Variants in RNF121 observed in about 807,000 individuals in gnomAD.
RNF121 encodes E3 ubiquitin ligase RNF121.
RNF121 carries 21 observed loss-of-function variants against 46.5 expected under a neutral mutation model. The observed-to-expected ratio is 0.45, with a 90% CI of 0.32 to 0.65. The LOEUF (loss-of-function observed/expected upper bound fraction) is 0.65, where lower values mean the gene tolerates loss of function less well. Among genes scored for constraint, RNF121 ranks in the 30% least tolerant of loss-of-function variants. The probability of loss-of-function intolerance (pLI) is 0.04; values close to 1 mark genes in which losing one functional copy is unlikely to be tolerated. For missense variants in RNF121, 346 were observed against 416.0 expected (o/e 0.83, Z 1.46); for synonymous variants, 139 against 144.7 (o/e 0.96, Z 0.28).
intron 1 of RNF121, among the ~76,000 whole-genome samples, chr11:71,932,495 T>G (rs1392466036): frequency 1.3e-5 from 2 of 152,274 alleles, no homozygotes; most frequent in Non-Finnish European, 1.5e-5. Flanking sequence ...ACTTTAAAAT[T>G]GTATCGTCTT....
chr11:71,986,769 CAAAAAAAAAAA>C (rs11315989), intron 4 of RNF121, among the ~76,000 whole-genome samples: 1 of 71,968 alleles, frequency 1.4e-5, no homozygotes, highest in African/African-American at 5.2e-5. Context: ...ACTCTCATCT[CAAAAAAAAAAA>C]AAAAAAAAAG....
At chr11:71,969,185 C>A (rs367725611) in intron 3 of RNF121, among the ~76,000 whole-genome samples, 1 of 152,174 alleles carries the variant, frequency 6.6e-6, no homozygotes, top group East Asian at 1.9e-4. Context: ...CCGTGCCTGG[C>A]CCCTCTTAGG....
chr11:71,936,640 C>G (rs1436565934), intron 1 of RNF121, among the ~76,000 whole-genome samples: 1 of 152,100 alleles, frequency 6.6e-6, no homozygotes, highest in Non-Finnish European at 1.5e-5. Context: ...GTGATCCACC[C>G]GCCTCGGCCT....
intron 5 of RNF121, among the ~76,000 whole-genome samples, chr11:71,989,773 A>G (rs1320820026): frequency 6.6e-6 from 1 of 152,198 alleles, no homozygotes; most frequent in African/African-American, 2.4e-5. Context: ...AACTTTGATG[A>G]TATGATACAG....
chr11:71,946,180 A>G (rs1301910184), intron 1 of RNF121, among the ~76,000 whole-genome samples: 3 of 152,328 alleles, frequency 2.0e-5, no homozygotes, highest in East Asian at 3.9e-4. Flanking sequence ...TGATAGGAAC[A>G]TTACTCATAA....
intron 6 of RNF121, among the ~76,000 whole-genome samples, chr11:71,993,754 T>G (rs1954912820): frequency 6.6e-6 from 1 of 152,188 alleles, no homozygotes; most frequent in Admixed American, 6.5e-5. Flanking sequence ...GTTTAACTTT[T>G]TGAGGACATG....
chr11:71,935,016 A>G lies in RNF121; in HGVS notation c.63+5892A>G, dbSNP rs1020162750. Among the ~76,000 whole-genome samples the G allele has an allele frequency of 7.7e-5, 11 of 142,314 alleles. No individual in the cohort carries two copies. The Admixed American group carries it at 8.3e-4, about 11-fold the overall frequency. The allele number at this position is 142,314 out of a possible 152,430, so 93.4% of individuals were successfully genotyped here. A position where few individuals can be genotyped will look rare whatever the true frequency, so the allele number is the denominator to read the frequency against. ...GAGTACAGTAGAGTGATCTTTGCTC[A>G]CTGCAACCTCAGCCTCCCAGGCTCA... is the stretch of plus-strand genomic sequence containing the variant. On this transcript the variant is annotated intron_variant, in intron 1 of 8. Transcript: ENST00000361756.
At chr11:71,949,846 C>T (rs903749777) in intron 1 of RNF121, among the ~76,000 whole-genome samples, 1 of 150,888 alleles carries the variant, frequency 6.6e-6, no homozygotes, top group African/African-American at 2.4e-5. Flanking sequence ...AAAAAAAATA[C>T]AAAACATTAG....
chr11:71,958,922 T>G (rs1470460996), intron 2 of RNF121, among the ~76,000 whole-genome samples: 1 of 152,232 alleles, frequency 6.6e-6, no homozygotes, highest in South Asian at 2.1e-4. Flanking sequence ...TTCACTGATA[T>G]GTTGTCTGAG....
chr11:71,930,677 C>G (rs555921626), intron 1 of RNF121, among the ~76,000 whole-genome samples: 67 of 152,208 alleles, frequency 4.4e-4, no homozygotes, highest in Non-Finnish European at 8.7e-4. Flanking sequence ...TTTGAAGACA[C>G]TTTGGAAAGG....
chr11:71,960,937 G>A, intron 3 of RNF121, 46 bp downstream of exon 3: 1 of 1,599,634 alleles, frequency 6.3e-7, no homozygotes, highest in Non-Finnish European at 8.5e-7. Flanking sequence ...GTCATCAAGA[G>A]ACCCTTCCTA....
intron 3 of RNF121, 28 bp from the exon 4 acceptor site, chr11:71,982,733 A>T (rs1954690005): frequency 3.8e-6 from 6 of 1,593,026 alleles, no homozygotes; most frequent in Non-Finnish European, 4.3e-6. Flanking sequence ...AGCTGGCCAG[A>T]GCTGAAGTGC....
At chr11:71,960,719 A>G in intron 2 of RNF121, 31 bp from the exon 3 acceptor site, 1 of 1,603,506 alleles carries the variant, frequency 6.2e-7, no homozygotes, top group Non-Finnish European at 8.5e-7. Flanking sequence ...AGCATCCCTG[A>G]CTTGATTCAC....
intron 1 of RNF121, among the ~76,000 whole-genome samples, chr11:71,935,700 C>G (rs904775590): frequency 2.0e-4 from 30 of 152,166 alleles, no homozygotes; most frequent in African/African-American, 7.0e-4. Flanking sequence ...TAGGTTTGGA[C>G]TAGGTGACCT....
intron 3 of RNF121, among the ~76,000 whole-genome samples, chr11:71,969,507 A>G (rs757993567): frequency 3.9e-5 from 6 of 152,158 alleles, no homozygotes; most frequent in Non-Finnish European, 8.8e-5. Flanking sequence ...TTTTTGGCTA[A>G]GTTTGTGTTA....
In RNF121 at chr11:71,929,085, G is replaced by A; in HGVS notation, c.24G>A (p.Glu8=). Residue 8 remains glutamate, a synonymous_variant, in exon 1 of 9, where the codon GAG becomes GAA. Transcript: ENST00000361756. MAAVVEV[E]VGGGAAGERE... ...AGATGGCGGCAGTGGTGGAGGTGGA[G>A]GTTGGAGGTGGTGCTGCTGGGGAAC... 1 of 1,551,672 alleles carries A rather than the reference G, an allele frequency of 6.4e-7. No homozygotes were observed. Among genetic ancestry groups the A allele is most frequent in the Non-Finnish European group, 8.7e-7 (1 of 1,147,060 alleles).
At chr11:71,934,841 G>A (rs1426085289) in intron 1 of RNF121, among the ~76,000 whole-genome samples, 1 of 152,006 alleles carries the variant, frequency 6.6e-6, no homozygotes, top group Non-Finnish European at 1.5e-5. Flanking sequence ...TGTCGAGAAG[G>A]ATTCTGAGGC....
At chr11:71,954,604 T>C (rs1165853352) in intron 1 of RNF121, among the ~76,000 whole-genome samples, 1 of 152,200 alleles carries the variant, frequency 6.6e-6, no homozygotes, top group Non-Finnish European at 1.5e-5. Flanking sequence ...TCAGAAGTCT[T>C]ATTTCTCTAT....
At chr11:71,932,686 A>C (rs189683306) in intron 1 of RNF121, among the ~76,000 whole-genome samples, 1 of 152,334 alleles carries the variant, frequency 6.6e-6, no homozygotes, top group Admixed American at 6.5e-5. Flanking sequence ...GTGGTGTCAC[A>C]AAGATTTAAA....
Sources: allele counts gnomAD v4.1 joint callset (sites outside exome capture counted in the v4.1 genomes callset), GRCh38; gene constraint gnomAD v4.1.1; transcripts MANE v1.5; gene names NCBI Gene and HGNC (gene_info 2026-07-23, HGNC 2026-07-21).